The following TRMT6 variants were observed in gnomAD, a reference collection of about 807,000 sequenced individuals.
TRMT6 encodes tRNA methyltransferase 6 non-catalytic subunit.
A neutral mutation model predicts 59.0 loss-of-function variants in TRMT6; 34 were observed. The observed-to-expected ratio is 0.58, with a 90% confidence interval of 0.44 to 0.77. TRMT6 has a LOEUF of 0.77. TRMT6 is among the 30% of genes least tolerant of loss of function. TRMT6 has a pLI of 0.00. For missense variants in TRMT6, 575 were observed against 604.5 expected, an observed-to-expected ratio of 0.95 and a Z score of 0.51; for synonymous variants, 217 against 210.5, an observed-to-expected ratio of 1.03 and a Z score of -0.27.
At chr20:5,943,833 T>A in intron 5 of TRMT6, 115 bp downstream of exon 5, 1 of 1,516,582 alleles carries the variant, frequency 6.6e-7, no homozygotes, top group Middle Eastern at 2.1e-4. Flanking sequence ...TTACAATTTA[T>A]GAGGTAGGAG....
chr20:5,941,700 A>G, intron 8 of TRMT6: 1 of 553,152 alleles, frequency 1.8e-6, no homozygotes, highest in Admixed American at 3.3e-5. Flanking sequence ...CCCTGCATCC[A>G]GTGGGACCAC....
chr20:5,938,867 T>TTCCC (rs1337387990), intron 10 of TRMT6, 141 bp from the exon 11 acceptor site: 7 of 716,276 alleles, frequency 9.8e-6, no homozygotes, highest in South Asian at 6.7e-5. Flanking sequence ...TTCTTTTCTT[T>TTCCC]TCCCTCCCTC....
At chr20:5,946,969 T>G (rs1049843338) in intron 1 of TRMT6, among the ~76,000 whole-genome samples, 13 of 152,318 alleles carry the variant, frequency 8.5e-5, no homozygotes, top group Non-Finnish European at 1.5e-4. Context: ...TTATTGCAAT[T>G]TAAAAGAGAA....
rs2088691386 is a variant in TRMT6, at chr20:5,944,865, T to C, written c.306A>G (p.Lys102=). Residue 102 remains lysine, a synonymous_variant, in exon 3 of 11, where the codon AAA becomes AAG. Transcript: ENST00000203001. ...TDNRNIVDDG[K]SQKLTQDDIK... The stretch of plus-strand genomic sequence containing the variant: ...TGTCATCTTGAGTAAGTTTCTGAGA[T>C]TTCCCATCATCAACTATATTTCGAT... 2 of 1,614,046 alleles carry C rather than the reference T, an allele frequency of 1.2e-6. No individual in the cohort carries two copies. The highest frequency in any genetic ancestry group is 2.2e-5 in the South Asian group (2 of 91,086).
At chr20:5,949,268 G>A (rs1244371669) in intron 1 of TRMT6, among the ~76,000 whole-genome samples, 1 of 152,020 alleles carries the variant, frequency 6.6e-6, no homozygotes, top group Non-Finnish European at 1.5e-5. Context: ...GGCTGAGGCA[G>A]GAGAATCGCT....
rs2088616174 is a variant in TRMT6 at position 5,937,261 on chromosome 20, A to G, written c.*1274T>C. ...ACATTTTTATTCTTTAATAGCAATT[A>G]GGATAAAGGACTCAAAATTGTACTT... On this transcript the variant is annotated 3_prime_UTR_variant, in exon 11 of 11. Coordinates refer to ENST00000203001, the MANE Select transcript of TRMT6 (RefSeq NM_015939.5). The G allele has an allele frequency of 6.6e-6, 1 of 152,234 alleles. No individual in the cohort carries two copies. Among genetic ancestry groups the G allele is most frequent in the South Asian group, 2.1e-4 (1 of 4,836 alleles). The allele number at this position is 152,234 out of a possible 1,614,324, so 9.4% of individuals were successfully genotyped here. A position where few individuals can be genotyped will look rare whatever the true frequency, so the allele number is the denominator to read the frequency against.
chr20:5,941,012 T>A (rs537578589), intron 10 of TRMT6, 41 bp downstream of exon 10: 1 of 1,488,900 alleles, frequency 6.7e-7, no homozygotes, highest in African/African-American at 1.4e-5. Flanking sequence ...AAGTCAAGTC[T>A]CGGGAGGGCA....
At chr20:5,942,168 A>G in intron 7 of TRMT6, 132 bp from the exon 8 acceptor site, 1 of 865,788 alleles carries the variant, frequency 1.2e-6, no homozygotes, top group East Asian at 2.5e-5. Flanking sequence ...GGTTGTTTAT[A>G]AGGAAGTTGC....
intron 10 of TRMT6, among the ~76,000 whole-genome samples, chr20:5,939,658 T>C (rs2088639526): frequency 6.6e-6 from 1 of 152,072 alleles, no homozygotes; most frequent in Non-Finnish European, 1.5e-5. Flanking sequence ...TCATGGCCAA[T>C]AATGGAGCTT....
chr20:5,947,104 T>C (rs1022725544), intron 1 of TRMT6, among the ~76,000 whole-genome samples: 1 of 152,228 alleles, frequency 6.6e-6, no homozygotes, highest in Non-Finnish European at 1.5e-5. Context: ...ACGGTAATCC[T>C]GGGACATAGC....
intron 7 of TRMT6, 26 bp from the exon 8 acceptor site, chr20:5,942,062 A>G (rs1404293508): frequency 1.3e-6 from 2 of 1,578,322 alleles, no homozygotes; most frequent in Admixed American, 1.7e-5. Context: ...TAAGAAATCA[A>G]TGTACTGGGG....
chr20:5,950,509 G>GACCGGC lies in TRMT6; in HGVS notation c.-110_-105dup. ...CAACCTGGCGCACTAGGAGCCCTCC[G>GACCGGC]ACCGGCACCGCCCCCACGTGTTGCA... is the stretch of plus-strand genomic sequence containing the variant. On this transcript the variant is annotated 5_prime_UTR_variant, in exon 1 of 11. Transcript: ENST00000203001. The GACCGGC allele has an allele frequency of 7.7e-7, 1 of 1,302,170 alleles. No individual in the cohort carries two copies. The highest frequency in any genetic ancestry group is 1.0e-6 in the Non-Finnish European group (1 of 982,426). 80.7% of individuals were successfully genotyped at this position (1,302,170 alleles called of 1,614,324 possible). A position where few individuals can be genotyped will look rare whatever the true frequency, so the allele number is the denominator to read the frequency against.
chr20:5,948,652 A>G (rs1241134594), intron 1 of TRMT6, among the ~76,000 whole-genome samples: 2 of 152,090 alleles, frequency 1.3e-5, no homozygotes, highest in African/African-American at 4.8e-5. Flanking sequence ...ACTAGCCTAG[A>G]CAACATAGTG....
chr20:5,943,493 A>G (rs1007575876), intron 6 of TRMT6, 66 bp downstream of exon 6: 2 of 1,590,104 alleles, frequency 1.3e-6, no homozygotes, highest in Non-Finnish European at 1.7e-6. Context: ...ATGAGTTTAC[A>G]TTTTTGGACC....
In TRMT6 at chr20:5,937,790, ATATG is replaced by A. The variant is rs2088620410; in HGVS notation, c.*741_*744del. ...TGTATATATACCAACATCTATATAC[ATATG>A]TGTGTGTGTGCAAATGTGTATCCAT... On this transcript the variant is annotated 3_prime_UTR_variant, in exon 11 of 11. Transcript: ENST00000203001. 1 of 152,238 alleles carries A rather than the reference ATATG, an allele frequency of 6.6e-6. No homozygotes were observed. Among genetic ancestry groups the A allele is most frequent in the Non-Finnish European group, 1.5e-5 (1 of 68,042 alleles). The allele number at this position is 152,238 out of a possible 1,614,324, so 9.4% of individuals were successfully genotyped here. A position where few individuals can be genotyped will look rare whatever the true frequency, so the allele number is the denominator to read the frequency against.
chr20:5,941,316 G>T lies in TRMT6; in HGVS notation c.1142C>A (p.Thr381Asn). The change falls in exon 9 of 11, where the codon ACT (threonine) becomes AAT (asparagine). Residue 381 changes from threonine to asparagine, a missense_variant. Physicochemically the swap from Thr to Asn is moderately conservative, Grantham distance 65. Transcript: ENST00000203001. Reference protein sequence around the residue: ...GLIVASRFHPTPLLLSLLDFV... With the variant: ...GLIVASRFHPNPLLLSLLDFV... ...GTCCAGCAAAGACAGCAGCAGGGGAGTGGGGTGGAAACGACTAGCTACAAT... is the reference window on the plus strand; with the variant it reads ...GTCCAGCAAAGACAGCAGCAGGGGATTGGGGTGGAAACGACTAGCTACAAT... 2 of 1,614,166 alleles carry T rather than the reference G, an allele frequency of 1.2e-6. No individual in the cohort carries two copies. Among genetic ancestry groups the T allele is most frequent in the Non-Finnish European group, 1.7e-6 (2 of 1,180,024 alleles).
At chr20:5,947,238 C>T (rs1251563241) in intron 1 of TRMT6, among the ~76,000 whole-genome samples, 2 of 152,204 alleles carry the variant, frequency 1.3e-5, no homozygotes, top group Non-Finnish European at 2.9e-5. Context: ...CTCATTCTTT[C>T]CACTATACCA....
At chr20:5,938,753 G>GCTTT in intron 10 of TRMT6, 27 bp from the exon 11 acceptor site, 1 of 1,603,706 alleles carries the variant, frequency 6.2e-7, no homozygotes, top group East Asian at 2.2e-5. Flanking sequence ...AGACATTCAT[G>GCTTT]CTTTCCTAAG....
At chr20:5,942,917 T>C in intron 6 of TRMT6, 131 bp from the exon 7 acceptor site, 3 of 718,820 alleles carry the variant, frequency 4.2e-6, no homozygotes, top group Non-Finnish European at 7.1e-6. Context: ...TGAAGGATGG[T>C]GCAGCTCCTC....
Sources: allele counts gnomAD v4.1 joint callset (sites outside exome capture counted in the v4.1 genomes callset), GRCh38; gene constraint gnomAD v4.1.1; transcripts MANE v1.5; gene names NCBI Gene and HGNC (gene_info 2026-07-23, HGNC 2026-07-21).